CSTPP1: variants seen among roughly 807,000 people sequenced by gnomAD.
The protein encoded by CSTPP1 is centriolar satellite-associated tubulin polyglutamylase complex regulator 1, also known as UPF0705 protein C11orf49.
the CSTPP1 span, among the ~76,000 whole-genome samples, chr11:47,150,533 G>C: frequency 6.6e-6 from 1 of 152,222 alleles, no homozygotes; most frequent in Non-Finnish European, 1.5e-5. Context: ...GCAGAAGCCA[G>C]TAGCAGGGGG....
chr11:47,006,738 G>A, the CSTPP1 span, among the ~76,000 whole-genome samples: 1 of 148,166 alleles, frequency 6.7e-6, no homozygotes, highest in Admixed American at 6.7e-5. Flanking sequence ...ACAGTTGCAC[G>A]CCACCACACT....
chr11:46,976,876 G>A, the CSTPP1 span, among the ~76,000 whole-genome samples: 286 of 152,176 alleles, frequency 1.9e-3, no homozygotes, highest in African/African-American at 6.7e-3. Context: ...TGAGAATACT[G>A]AAGTTTCGAC....
the CSTPP1 span, among the ~76,000 whole-genome samples, chr11:47,032,119 C>T: frequency 6.6e-5 from 10 of 152,146 alleles, no homozygotes; most frequent in Non-Finnish European, 1.3e-4. Context: ...TGGCAACACC[C>T]TCACCGACAC....
the CSTPP1 span, chr11:47,004,238 G>A: frequency 6.7e-6 from 1 of 150,324 alleles, no homozygotes. Flanking sequence ...TGGAGTTGTA[G>A]CACAAACATG....
the CSTPP1 span, chr11:47,161,915 C>CTGTT: frequency 8.2e-7 from 1 of 1,217,778 alleles, no homozygotes; most frequent in South Asian, 2.2e-5. Flanking sequence ...ACGCCGTAGC[C>CTGTT]TGTTAGTCCT....
At chr11:46,977,999 C>G in the CSTPP1 span, among the ~76,000 whole-genome samples, 1 of 152,156 alleles carries the variant, frequency 6.6e-6, no homozygotes, top group African/African-American at 2.4e-5. Context: ...TTTAGCGTTT[C>G]CCACCTGGGA....
At chr11:47,138,841 C>T in the CSTPP1 span, among the ~76,000 whole-genome samples, 1 of 151,926 alleles carries the variant, frequency 6.6e-6, no homozygotes, top group East Asian at 1.9e-4. Context: ...TAACCAGGCA[C>T]GGTTGCGCTT....
the CSTPP1 span, among the ~76,000 whole-genome samples, chr11:47,133,369 G>A: frequency 1.3e-5 from 2 of 152,218 alleles, no homozygotes; most frequent in African/African-American, 4.8e-5. Flanking sequence ...CTTTGCCTTT[G>A]AACTTGCAGG....
At chr11:47,001,633 C>T in the CSTPP1 span, among the ~76,000 whole-genome samples, 1 of 151,574 alleles carries the variant, frequency 6.6e-6, no homozygotes, top group African/African-American at 2.4e-5. Context: ...CTAATGAAAA[C>T]AATCCATGAT....
chr11:46,979,561 G>A, the CSTPP1 span, among the ~76,000 whole-genome samples: 1 of 152,090 alleles, frequency 6.6e-6, no homozygotes, highest in Admixed American at 6.6e-5. Context: ...TGGTGTTCAG[G>A]AAGTACATTT....
At chr11:47,123,304 A>G in the CSTPP1 span, 5 of 152,238 alleles carry the variant, frequency 3.3e-5, no homozygotes, top group African/African-American at 1.2e-4. Flanking sequence ...GTCATGCAGG[A>G]ATGCTGGCCC....
chr11:47,021,920 A>G, the CSTPP1 span, among the ~76,000 whole-genome samples: 1 of 151,954 alleles, frequency 6.6e-6, no homozygotes, highest in Non-Finnish European at 1.5e-5. Flanking sequence ...ACATCTTCTG[A>G]GAGTTGTGGC....
chr11:46,964,364 G>A, the CSTPP1 span, among the ~76,000 whole-genome samples: 1 of 151,602 alleles, frequency 6.6e-6, no homozygotes, highest in Non-Finnish European at 1.5e-5. Flanking sequence ...CGGCTCACTG[G>A]AAGCTCCGCC....
chr11:47,034,121 T>TA, the CSTPP1 span, among the ~76,000 whole-genome samples: 19 of 150,824 alleles, frequency 1.3e-4, no homozygotes, highest in Non-Finnish European at 2.1e-4. Flanking sequence ...TATATAAAAA[T>TA]AAAAAAATAA....
the CSTPP1 span, among the ~76,000 whole-genome samples, chr11:47,136,681 T>C: frequency 6.6e-6 from 1 of 152,138 alleles, no homozygotes; most frequent in Admixed American, 6.6e-5. Flanking sequence ...ATTCCCCAAA[T>C]GTAGCCATGC....
the CSTPP1 span, among the ~76,000 whole-genome samples, chr11:47,118,757 C>T: frequency 6.6e-6 from 1 of 152,220 alleles, no homozygotes; most frequent in Non-Finnish European, 1.5e-5. Flanking sequence ...ACTACAGACC[C>T]TGTTTGCCTG....
chr11:46,964,134 C>CT, the CSTPP1 span, among the ~76,000 whole-genome samples: 1 of 152,112 alleles, frequency 6.6e-6, no homozygotes, highest in South Asian at 2.1e-4. Flanking sequence ...TGGTTAAAAT[C>CT]TTTCACTAAC....
At chr11:46,991,823 C>T in the CSTPP1 span, among the ~76,000 whole-genome samples, 1 of 152,166 alleles carries the variant, frequency 6.6e-6, no homozygotes, top group African/African-American at 2.4e-5. Flanking sequence ...TCACTGCAAC[C>T]TCCGTCTCCC....
At chr11:47,091,168 G>A in the CSTPP1 span, among the ~76,000 whole-genome samples, 1 of 151,402 alleles carries the variant, frequency 6.6e-6, no homozygotes, top group Non-Finnish European at 1.5e-5. Context: ...AAGGCAGGCG[G>A]ATCAGGAGGT....
Sources: allele counts gnomAD v4.1 joint callset (sites outside exome capture counted in the v4.1 genomes callset), GRCh38; gene constraint gnomAD v4.1.1; transcripts MANE v1.5; gene names NCBI Gene and HGNC (gene_info 2026-07-23, HGNC 2026-07-21).